The following GRK3 variants were observed in gnomAD, a reference collection of about 807,000 sequenced individuals.
GRK3 encodes the protein adrenergic, beta, receptor kinase 2.
GRK3 carries 54 observed loss-of-function variants against 95.7 expected under a neutral mutation model. That is an observed-to-expected ratio of 0.56 (90% confidence interval 0.45 to 0.71). GRK3 has a LOEUF of 0.71. Ranked by LOEUF, GRK3 falls within the 30% of genes least tolerant of loss-of-function variation. The pLI, the probability that GRK3 is intolerant of heterozygous loss-of-function variation, is 0.00. For missense variants in GRK3, 649 were observed against 851.2 expected, an observed-to-expected ratio of 0.76 and a Z score of 2.96; for synonymous variants, 281 against 290.8, an observed-to-expected ratio of 0.97 and a Z score of 0.34.
At chr22:25,599,362 G>A (rs1414533636) in intron 1 of GRK3, among the ~76,000 whole-genome samples, 1 of 152,116 alleles carries the variant, frequency 6.6e-6, no homozygotes, top group Non-Finnish European at 1.5e-5. Context: ...GGAGGCTGAG[G>A]TGGGCAGATC....
At chr22:25,716,714 A>G (rs1187606857) in intron 18 of GRK3, among the ~76,000 whole-genome samples, 3 of 152,240 alleles carry the variant, frequency 2.0e-5, no homozygotes, top group Non-Finnish European at 4.4e-5. Context: ...GAGAAAACCA[A>G]TAAGAATAAC....
At chr22:25,689,499 CA>C (rs2085148291) in intron 11 of GRK3, among the ~76,000 whole-genome samples, 1 of 152,098 alleles carries the variant, frequency 6.6e-6, no homozygotes, top group South Asian at 2.1e-4. Context: ...TGATCGCCAG[CA>C]GAAAAATATT....
intron 2 of GRK3, among the ~76,000 whole-genome samples, chr22:25,616,993 G>A (rs922847744): frequency 6.6e-6 from 1 of 152,172 alleles, no homozygotes; most frequent in Non-Finnish European, 1.5e-5. Context: ...TTTGCTAGAT[G>A]AACAGAGAAG....
intron 3 of GRK3, among the ~76,000 whole-genome samples, chr22:25,645,467 TA>T (rs1249122117): frequency 6.6e-6 from 1 of 152,178 alleles, no homozygotes; most frequent in Admixed American, 6.5e-5. Context: ...GAGCCCCACA[TA>T]TGTGATTAGT....
At chr22:25,689,018 A>T (rs2085144252) in intron 11 of GRK3, among the ~76,000 whole-genome samples, 1 of 151,876 alleles carries the variant, frequency 6.6e-6, no homozygotes, top group African/African-American at 2.4e-5. Context: ...AGATGCTGTG[A>T]TTGGCTTTTG....
At chr22:25,639,116 T>G (rs919947306) in intron 2 of GRK3, among the ~76,000 whole-genome samples, 2 of 152,200 alleles carry the variant, frequency 1.3e-5, no homozygotes, top group Non-Finnish European at 1.5e-5. Flanking sequence ...TTACAAGGCA[T>G]TTTTTCTAAC....
At chr22:25,676,410 G>A (rs939806519) in intron 8 of GRK3, among the ~76,000 whole-genome samples, 2 of 151,980 alleles carry the variant, frequency 1.3e-5, no homozygotes, top group Admixed American at 1.3e-4. Flanking sequence ...AAATAATATC[G>A]GCCGGGCGCG....
At chr22:25,580,836 T>G (rs1443713580) in intron 1 of GRK3, among the ~76,000 whole-genome samples, 1 of 152,116 alleles carries the variant, frequency 6.6e-6, no homozygotes, top group African/African-American at 2.4e-5. Context: ...AAAATAAAGG[T>G]GGGATAAGTC....
intron 2 of GRK3, among the ~76,000 whole-genome samples, chr22:25,640,053 G>T (rs1161850480): frequency 6.6e-6 from 1 of 152,092 alleles, no homozygotes; most frequent in Non-Finnish European, 1.5e-5. Flanking sequence ...TATTCTAGTA[G>T]TTACTTATAG....
chr22:25,582,226 G>A (rs540087302), intron 1 of GRK3, among the ~76,000 whole-genome samples: 7 of 151,934 alleles, frequency 4.6e-5, no homozygotes, highest in Admixed American at 6.6e-5. Flanking sequence ...GCAGTGAGCC[G>A]AGATGAGATT....
chr22:25,596,893 ATAT>A (rs1462039274), intron 1 of GRK3, among the ~76,000 whole-genome samples: 2 of 152,150 alleles, frequency 1.3e-5, no homozygotes, highest in Non-Finnish European at 2.9e-5. Context: ...ATTTTAAATA[ATAT>A]TATAAGCACT....
chr22:25,639,354 A>T (rs1453396382), intron 2 of GRK3, among the ~76,000 whole-genome samples: 2 of 152,294 alleles, frequency 1.3e-5, no homozygotes, highest in East Asian at 3.9e-4. Flanking sequence ...CCTTAATTTA[A>T]TTCTTTATAA....
chr22:25,721,358 C>A lies in GRK3; in HGVS notation c.1866C>A (p.Phe622Leu). The change falls in exon 20 of 21, where the codon TTC becomes TTA. Residue 622 changes from phenylalanine (F) to leucine (L), a missense_variant. Phe to Leu is a conservative substitution (Grantham distance 22). Coordinates refer to ENST00000324198, the MANE Select transcript of GRK3 (RefSeq NM_005160.4). ...TQIKDKKCILFRIKGGKQFVL... is the reference protein window; with the variant it reads ...TQIKDKKCILLRIKGGKQFVL... ...TTAAAGACAAAAAATGCATTTTGTT[C>A]AGAATAAAAGGAGGGAAACAATTTG... The A allele has an allele frequency of 6.2e-7, 1 of 1,603,866 alleles. No individual in the cohort carries two copies. Among genetic ancestry groups the A allele is most frequent in the South Asian group, 1.1e-5 (1 of 89,506 alleles).
chr22:25,620,197 T>C (rs1402026306), intron 2 of GRK3, among the ~76,000 whole-genome samples: 1 of 152,000 alleles, frequency 6.6e-6, no homozygotes, highest in African/African-American at 2.4e-5. Context: ...GGTGTATATA[T>C]AGAGAGGCTG....
rs558890660 is a variant in GRK3, at chr22:25,691,720, G to A, written c.1052+1437G>A. On this transcript the variant is annotated intron_variant, in intron 12 of 20. Transcript: ENST00000324198. ...TAAATATGAATCCAAGAGTTCATAA[G>A]AAATAATCTTCCAGAGGAATTAACT... 7.2e-5 allele frequency among the ~76,000 whole-genome samples: 11 copies of A among 152,288 alleles called. No individual in the cohort carries two copies. The South Asian group carries it at 1.9e-3, about 26-fold the overall frequency.
intron 2 of GRK3, among the ~76,000 whole-genome samples, chr22:25,643,168 A>T (rs1194182585): frequency 1.3e-5 from 2 of 152,216 alleles, no homozygotes; most frequent in Non-Finnish European, 2.9e-5. Context: ...ACAGATAGAG[A>T]TGTGTATCCT....
intron 3 of GRK3, among the ~76,000 whole-genome samples, chr22:25,646,840 G>A (rs539610225): frequency 2.6e-5 from 4 of 152,066 alleles, no homozygotes; most frequent in Admixed American, 1.3e-4. Flanking sequence ...GACCAACATG[G>A]TGAAACCCTG....
intron 2 of GRK3, among the ~76,000 whole-genome samples, chr22:25,616,524 C>T (rs1275522282): frequency 6.6e-6 from 1 of 152,130 alleles, no homozygotes; most frequent in Non-Finnish European, 1.5e-5. Context: ...TTCCACCAGG[C>T]CCCTCCTTCA....
rs1001924731 is a variant in GRK3, at chr22:25,670,147, G to T, written c.504-2149G>T. On this transcript the variant is annotated intron_variant, in intron 6 of 20. Coordinates refer to ENST00000324198, the MANE Select transcript of GRK3 (RefSeq NM_005160.4). The stretch of plus-strand genomic sequence containing the variant: ...TAATTGCAACTATTCCTCTGCTTTT[G>T]ATTTTTAATTTGATTGTTAGCCTCA... 2.0e-5 allele frequency among the ~76,000 whole-genome samples: 3 copies of T among 152,134 alleles called. No individual in the cohort carries two copies. In the South Asian group the frequency reaches 6.2e-4, roughly 31 times the overall value.
Sources: gnomAD v4.1 joint callset for allele counts (sites outside exome capture counted in the v4.1 genomes callset) on GRCh38, gnomAD v4.1.1 for gene constraint, MANE v1.5 for transcripts, NCBI Gene and HGNC (gene_info 2026-07-23, HGNC 2026-07-21) for gene names.